The following TLE2 variants were observed in gnomAD, a reference collection of about 807,000 sequenced individuals.
TLE2 encodes transducin-like enhancer protein 2.
A neutral mutation model predicts 97.2 loss-of-function variants in TLE2; 74 were observed. The ratio of observed to expected loss-of-function variants is 0.76; its 90% CI spans 0.63 to 0.92. The LOEUF is 0.92. Among genes scored for constraint, TLE2 ranks in the 40% least tolerant of loss-of-function variants. The probability of loss-of-function intolerance (pLI) is 0.00; values close to 1 mark genes in which losing one functional copy is unlikely to be tolerated. For missense variants in TLE2, 1,038 were observed against 1,008.7 expected, an observed-to-expected ratio of 1.03 and a Z score of -0.39; for synonymous variants, 499 against 432.1, an observed-to-expected ratio of 1.15 and a Z score of -1.92.
Position 3,019,451 on chromosome 19 carries a change from G to A in TLE2, c.382C>T (p.Pro128Ser), listed in dbSNP as rs774708300. ...ACAGGGGGTGCGTGGTGGGACAGCG[G>A]CTGGAGCTGCTGCTGCTAGAAAGGA... is the stretch of plus-strand genomic sequence containing the variant. ...LNSLIGQQLQ[P>S]LSHHAPPVPL... The change falls in exon 7 of 20, where the codon CCG becomes TCG. Residue 128 changes from proline (P) to serine (S), a missense_variant. Transcript: ENST00000262953. This position sits in a 1 kb window ranked among gnomAD's most constrained non-coding sequence, Gnocchi z 5.1. 209 of 1,517,694 alleles carry A rather than the reference G, an allele frequency of 1.4e-4. No homozygotes were observed. Among genetic ancestry groups the A allele is most frequent in the Non-Finnish European group, 1.8e-4 (207 of 1,137,396 alleles). 94.0% of individuals were successfully genotyped at this position (1,517,694 alleles called of 1,614,324 possible).
At chr19:3,027,973 G>T in intron 3 of TLE2, 100 bp from the exon 4 acceptor site, 3 of 1,240,692 alleles carry the variant, frequency 2.4e-6, no homozygotes, top group Non-Finnish European at 1.2e-6. Flanking sequence ...AGGTTCAGGG[G>T]AATCACAGCA....
chr19:3,028,016 C>G, intron 3 of TLE2, 143 bp from the exon 4 acceptor site: 1 of 873,974 alleles, frequency 1.1e-6, no homozygotes. Flanking sequence ...CCACGGGGTC[C>G]CAGAGGAGGA....
intron 5 of TLE2, among the ~76,000 whole-genome samples, chr19:3,021,684 A>G (rs916827072): frequency 4.7e-5 from 7 of 149,786 alleles, no homozygotes; most frequent in East Asian, 4.1e-4. Context: ...CCAGGTTCAA[A>G]CAATTCTCCT....
chr19:3,035,137 AAGG>A (rs2090052576), intron 1 of TLE2, among the ~76,000 whole-genome samples: 2 of 152,160 alleles, frequency 1.3e-5, no homozygotes, highest in Admixed American at 1.3e-4. Flanking sequence ...ATCCGCCAGG[AAGG>A]AGGAGTTTTT....
At chr19:3,020,116 A>G in intron 5 of TLE2, 1 of 273,620 alleles carries the variant, frequency 3.7e-6, no homozygotes, top group East Asian at 9.1e-5. Flanking sequence ...AACACCTGTA[A>G]TCCCAGCTAC....
chr19:2,999,544 G>A (rs926864690), intron 19 of TLE2, among the ~76,000 whole-genome samples: 5 of 151,414 alleles, frequency 3.3e-5, no homozygotes, highest in Non-Finnish European at 7.4e-5. Flanking sequence ...TGGCTAACAC[G>A]GTGAAACCCC....
At chr19:3,006,202 G>A (rs2089472866) in intron 15 of TLE2, 1 of 983,804 alleles carries the variant, frequency 1.0e-6, no homozygotes, top group Non-Finnish European at 1.6e-6. Context: ...TGCAAACCCT[G>A]TCCTGATTGT....
In TLE2 at chr19:3,016,935, C is replaced by A. The variant is rs144337124; in HGVS notation, c.570+905G>T. On this transcript the variant is annotated intron_variant, in intron 8 of 19. Transcript: ENST00000262953. ...CTGGGATTACAGGCGCCCACCACCA[C>A]ACCCAGCTAATTTTGTATTTTTAGT... 3.3e-3 allele frequency among the ~76,000 whole-genome samples: 503 copies of A among 151,928 alleles called. 1 individual carries two copies. The highest frequency in any genetic ancestry group is 0.012 in the African/African-American group (477 of 41,452).
chr19:3,013,303 G>A (rs185299068), intron 11 of TLE2, among the ~76,000 whole-genome samples: 236 of 152,046 alleles, frequency 1.6e-3, no homozygotes, highest in Non-Finnish European at 2.3e-3. Context: ...GTCTCTAAGC[G>A]CCTCTGGAAG....
At chr19:3,027,058 AATCTCAGAACCGTGAGGTCT>A (rs1285751166) in intron 4 of TLE2, among the ~76,000 whole-genome samples, 1 of 149,660 alleles carries the variant, frequency 6.7e-6, no homozygotes, top group African/African-American at 2.5e-5. Context: ...AACTGAGGTC[AATCTCAGAACCGTGAGGTCT>A]ATCTCAGAAC....
intron 17 of TLE2, among the ~76,000 whole-genome samples, chr19:3,003,203 C>T (rs892864954): frequency 1.3e-5 from 2 of 152,126 alleles, no homozygotes; most frequent in African/African-American, 4.8e-5. Flanking sequence ...CTGCTCTGAG[C>T]GCACAACAGC....
chr19:3,012,910 G>GGACC (rs2089627198), intron 11 of TLE2, among the ~76,000 whole-genome samples: 1 of 152,160 alleles, frequency 6.6e-6, no homozygotes, highest in African/African-American at 2.4e-5. Flanking sequence ...GGGTCAGGGA[G>GGACC]GACCCCTGAG....
intron 14 of TLE2, 144 bp from the exon 15 acceptor site, chr19:3,006,813 C>T (rs2089490087): frequency 2.4e-6 from 3 of 1,241,742 alleles, no homozygotes; most frequent in African/African-American, 1.5e-5. Context: ...GAGGGAGTCT[C>T]GCCGTGTCGC....
rs7258703 is a variant in TLE2, at chr19:3,017,931, G to A, written c.551-72C>T. ...GGCGTTTGTATCCACGGCGCCAGAG[G>A]GTACAGCCCTCCAGTTTATAAAGCC... is the stretch of plus-strand genomic sequence containing the variant. On this transcript the variant is annotated intron_variant, in intron 7 of 19. Coordinates refer to ENST00000262953, the MANE Select transcript of TLE2 (RefSeq NM_003260.5). 7.9e-3 allele frequency: 11,685 copies of A among 1,471,052 alleles called. 792 individuals carry two copies. The African/African-American group carries it at 0.15, about 18-fold the overall frequency. The allele number at this position is 1,471,052 out of a possible 1,614,324, so 91.1% of individuals were successfully genotyped here.
At chr19:3,009,889 T>TTTTTTTC (rs2089557431) in intron 12 of TLE2, among the ~76,000 whole-genome samples, 187 bp from the exon 13 acceptor site, 2 of 100,286 alleles carry the variant, frequency 2.0e-5, no homozygotes, top group Non-Finnish European at 4.6e-5. Context: ...CTCTCTCTCT[T>TTTTTTTC]TTTTTCTTTT....
rs145264513 is a variant in TLE2, at chr19:2,998,110, G to A, written c.2125-155C>T. ...TTTGAGATGGAGTTTTGTTCTTGTC[G>A]CCCAGGCTGAAGTGCAGTGGTGCGA... On this transcript the variant is annotated intron_variant, in intron 19 of 19. Transcript: ENST00000262953. Among the ~76,000 whole-genome samples the A allele has an allele frequency of 7.8e-4, 119 of 151,856 alleles. 1 individual carries two copies. The highest frequency in any genetic ancestry group is 2.6e-3 in the African/African-American group (109 of 41,420).
intron 4 of TLE2, chr19:3,025,571 C>T (rs2089928910): frequency 1.0e-6 from 1 of 987,166 alleles, no homozygotes. Context: ...GGGATGCCTC[C>T]AGGTGGAGAT....
chr19:3,045,482 CCAGT>C (rs1392189326), intron 1 of TLE2, among the ~76,000 whole-genome samples: 2 of 152,158 alleles, frequency 1.3e-5, no homozygotes, highest in South Asian at 2.1e-4. Flanking sequence ...TCCTCCCCCA[CCAGT>C]CAGTGAGTCC....
intron 5 of TLE2, among the ~76,000 whole-genome samples, chr19:3,024,805 C>A (rs1357941793): frequency 6.6e-6 from 1 of 152,256 alleles, no homozygotes; most frequent in Non-Finnish European, 1.5e-5. Flanking sequence ...CCCCAGTCCT[C>A]ACCCTCAGCC....
Sources: allele counts gnomAD v4.1 joint callset (sites outside exome capture counted in the v4.1 genomes callset), GRCh38; gene constraint gnomAD v4.1.1; non-coding constraint Gnocchi (gnomAD v3.1); transcripts MANE v1.5; gene names NCBI Gene and HGNC (gene_info 2026-07-23, HGNC 2026-07-21).